The following TRPM3 variants were observed in gnomAD, a reference collection of about 807,000 sequenced individuals.
TRPM3 encodes transient receptor potential cation channel subfamily M member 3.
TRPM3 carries 77 observed loss-of-function variants against 181.2 expected under a neutral mutation model. That is an observed-to-expected ratio of 0.42 (90% CI 0.35 to 0.51). The LOEUF (loss-of-function observed/expected upper bound fraction) is 0.51, where lower values mean the gene tolerates loss of function less well. TRPM3 is among the 20% of genes least tolerant of loss of function. The pLI, the probability that TRPM3 is intolerant of heterozygous loss-of-function variation, is 0.01. For synonymous variants in TRPM3, 745 were observed against 796.4 expected (o/e 0.94, Z 1.09); for missense variants, 1,759 against 2,196.7 (o/e 0.80, Z 3.98).
chr9:71,355,603 G>T (rs1204498117), intron 1 of TRPM3, among the ~76,000 whole-genome samples: 2 of 152,092 alleles, frequency 1.3e-5, no homozygotes, highest in African/African-American at 4.8e-5. Context: ...GCAGCCCTAG[G>T]AAGCCGATAG....
Position 70,635,186 on chromosome 9 carries a change from G to A in TRPM3, c.1632+25C>T, listed in dbSNP as rs146199078. 379 of 1,610,658 alleles carry A rather than the reference G, an allele frequency of 2.4e-4. 1 individual carries two copies. In the African/African-American group the frequency reaches 4.6e-3, roughly 19 times the overall value. ...AGGAAGCAGTCAAGACAGGGCCTCC[G>A]ACCTGCAGTCGAGAGGGTTCTTACC... On this transcript the variant is annotated intron_variant, in intron 12 of 25. Coordinates refer to ENST00000677713, the MANE Select transcript of TRPM3 (RefSeq NM_001366145.2).
chr9:71,411,156 G>A (rs1160283851), intron 1 of TRPM3, among the ~76,000 whole-genome samples: 1 of 152,128 alleles, frequency 6.6e-6, no homozygotes, highest in Non-Finnish European at 1.5e-5. Flanking sequence ...ATACTGAATG[G>A]GCAAAAACTG....
Position 70,529,079 on chromosome 9 carries a change from GTTTT to G in TRPM3, c.*6870_*6873del, listed in dbSNP as rs112234161. Reference sequence around the variant, plus strand: ...TCCAAGTCATGTTTTAAACTACTGAGTTTTTTTTTTTATTGCAAAACATTTGTTA... The same window carrying G: ...TCCAAGTCATGTTTTAAACTACTGAGTTTTTTTATTGCAAAACATTTGTTA... On this transcript the variant is annotated 3_prime_UTR_variant, in exon 26 of 26. Coordinates refer to ENST00000677713, the MANE Select transcript of TRPM3 (RefSeq NM_001366145.2). 4 of 146,868 alleles carry G rather than the reference GTTTT, an allele frequency of 2.7e-5. No homozygotes were observed. In the East Asian group the frequency reaches 7.9e-4, roughly 29 times the overall value. The allele number at this position is 146,868 out of a possible 1,614,324, so 9.1% of individuals were successfully genotyped here.
intron 1 of TRPM3, among the ~76,000 whole-genome samples, chr9:70,949,867 C>G (rs560900029): frequency 2.0e-5 from 3 of 152,090 alleles, no homozygotes; most frequent in Admixed American, 1.3e-4. Flanking sequence ...AAATCACCTC[C>G]TTCATCTGAG....
chr9:70,635,847 T>A (rs1308711063), intron 11 of TRPM3, among the ~76,000 whole-genome samples: 2 of 152,164 alleles, frequency 1.3e-5, no homozygotes, highest in Non-Finnish European at 2.9e-5. Context: ...AGGTTCAAAC[T>A]TTGTAAGGGA....
chr9:70,672,462 T>G (rs1255976625), intron 9 of TRPM3, among the ~76,000 whole-genome samples: 1 of 152,228 alleles, frequency 6.6e-6, no homozygotes, highest in Non-Finnish European at 1.5e-5. Flanking sequence ...CCACTTTGCC[T>G]GAATTCAGTT....
At chr9:70,546,612 ACAT>A (rs1424900385) in intron 25 of TRPM3, among the ~76,000 whole-genome samples, 1 of 151,938 alleles carries the variant, frequency 6.6e-6, no homozygotes, top group Non-Finnish European at 1.5e-5. Context: ...AGTGAGCACA[ACAT>A]TTGATAGAAC....
intron 1 of TRPM3, among the ~76,000 whole-genome samples, chr9:71,300,391 A>G (rs2132323257): frequency 6.6e-6 from 1 of 152,282 alleles, no homozygotes; most frequent in Middle Eastern, 3.4e-3. Context: ...TGTAAAATCT[A>G]TGCATTTCTT....
At chr9:70,700,577 C>A (rs2072183619) in intron 8 of TRPM3, among the ~76,000 whole-genome samples, 1 of 152,156 alleles carries the variant, frequency 6.6e-6, no homozygotes, top group Admixed American at 6.5e-5. Flanking sequence ...TATATCGCAG[C>A]CTGGAGGAGA....
At chr9:70,645,112 T>C (rs527254604) in intron 9 of TRPM3, among the ~76,000 whole-genome samples, 1 of 152,290 alleles carries the variant, frequency 6.6e-6, no homozygotes, top group Admixed American at 6.5e-5. Context: ...AGAATCAATA[T>C]TGTGAAAATG....
At chr9:71,380,102 G>A (rs1004091806) in intron 1 of TRPM3, among the ~76,000 whole-genome samples, 16 of 152,000 alleles carry the variant, frequency 1.1e-4, no homozygotes, top group Admixed American at 7.9e-4. Flanking sequence ...GACTAAAATT[G>A]TTAGTATACA....
intron 6 of TRPM3, among the ~76,000 whole-genome samples, chr9:70,816,269 C>T (rs150776336): frequency 3.2e-4 from 49 of 152,322 alleles, no homozygotes; most frequent in African/African-American, 1.1e-3. Context: ...ATTCCAAAGG[C>T]GTCAAGAGCC....
intron 1 of TRPM3, among the ~76,000 whole-genome samples, chr9:71,252,682 T>C (rs2082416707): frequency 6.6e-6 from 1 of 151,966 alleles, no homozygotes; most frequent in African/African-American, 2.4e-5. Context: ...ACTTTTTCTT[T>C]CTTTTTTGTG....
At chr9:71,356,058 T>C (rs1412493534) in intron 1 of TRPM3, among the ~76,000 whole-genome samples, 1 of 152,104 alleles carries the variant, frequency 6.6e-6, no homozygotes, top group African/African-American at 2.4e-5. Flanking sequence ...TCCCAAATCA[T>C]GAAACTTCAG....
rs547639123 is a variant in TRPM3, at chr9:70,620,219, C to T, written c.1986G>A (p.Lys662=). ...MVWAVLMKRQ[K]MALFFWQHGE... The stretch of plus-strand genomic sequence containing the variant: ...CGTGCTGCCAGAAGAACAGGGCCAT[C>T]TTCTGCCGCTTCATGAGAACAGCCC... The change falls in exon 16 of 26, where the codon AAG becomes AAA. Residue 662 remains lysine (K), a synonymous_variant. Coordinates refer to ENST00000677713, the MANE Select transcript of TRPM3 (RefSeq NM_001366145.2). 1 of 1,614,130 alleles carries T rather than the reference C, an allele frequency of 6.2e-7. No homozygotes were observed. Among genetic ancestry groups the T allele is most frequent in the Non-Finnish European group, 8.5e-7 (1 of 1,180,056 alleles).
chr9:71,435,346 C>A (rs1314296010), intron 1 of TRPM3, among the ~76,000 whole-genome samples: 2 of 152,148 alleles, frequency 1.3e-5, no homozygotes, highest in African/African-American at 2.4e-5. Flanking sequence ...TCTCAGAAGT[C>A]TTTTTCACAT....
chr9:71,240,403 A>G (rs1210422425), intron 1 of TRPM3, among the ~76,000 whole-genome samples: 1 of 152,180 alleles, frequency 6.6e-6, no homozygotes, highest in Non-Finnish European at 1.5e-5. Context: ...CATTTACTAG[A>G]GTAAGCAATA....
intron 1 of TRPM3, among the ~76,000 whole-genome samples, chr9:71,152,846 A>G (rs533146028): frequency 9.2e-5 from 14 of 152,332 alleles, no homozygotes; most frequent in Non-Finnish European, 1.6e-4. Context: ...CTCTTTAAAG[A>G]AGATCTATTC....
At chr9:70,985,220 T>A (rs2097407015) in intron 1 of TRPM3, among the ~76,000 whole-genome samples, 1 of 152,230 alleles carries the variant, frequency 6.6e-6, no homozygotes, top group South Asian at 2.1e-4. Flanking sequence ...TGAGACCCAG[T>A]GCCGACTAAT....
Sources: allele counts gnomAD v4.1 joint callset (sites outside exome capture counted in the v4.1 genomes callset), GRCh38; gene constraint gnomAD v4.1.1; transcripts MANE v1.5; gene names NCBI Gene and HGNC (gene_info 2026-07-23, HGNC 2026-07-21).